The following TBX5 variants were observed in gnomAD, a reference collection of about 807,000 sequenced individuals.
TBX5 encodes T-box transcription factor TBX5.
Under a neutral mutation model 51.1 loss-of-function variants are expected in TBX5, and 8 were observed. That is an observed-to-expected ratio of 0.16 (90% confidence interval 0.09 to 0.28). TBX5 has a LOEUF of 0.28. Ranked by LOEUF, TBX5 falls within the 10% of genes least tolerant of loss-of-function variation. The probability of loss-of-function intolerance (pLI) is 1.00; values close to 1 mark genes in which losing one functional copy is unlikely to be tolerated. For synonymous variants in TBX5, 302 were observed against 266.4 expected (o/e 1.13, Z -1.30); for missense variants, 589 against 671.7 (o/e 0.88, Z 1.36).
chr12:114,405,640 A>G lies in TBX5; in HGVS notation c.-51T>C. ...CCGGGACGGTTACCTCGTTCGGTGA[A>G]GCCGGTGCATTCACCACATCCTCTG... On this transcript the variant is annotated 5_prime_UTR_variant, in exon 1 of 9. Coordinates refer to ENST00000405440, the MANE Select transcript of TBX5 (RefSeq NM_181486.4). 4 of 946,930 alleles carry G rather than the reference A, an allele frequency of 4.2e-6. No homozygotes were observed. Among genetic ancestry groups the G allele is most frequent in the Non-Finnish European group, 5.0e-6 (4 of 794,886 alleles). The allele number at this position is 946,930 out of a possible 1,614,324, so 58.7% of individuals were successfully genotyped here.
At chr12:114,360,415 A>G (rs1458573979) in intron 8 of TBX5, among the ~76,000 whole-genome samples, 1 of 139,608 alleles carries the variant, frequency 7.2e-6, no homozygotes, top group African/African-American at 2.7e-5. Flanking sequence ...TGAATGAATG[A>G]GTGGGAGGAT....
rs139329918 is a variant in TBX5 at position 114,394,804 on chromosome 12, C to T, written c.600G>A (p.Ala200=). Residue 200 remains alanine (A), a synonymous_variant, in exon 6 of 9, where the codon GCG becomes GCA. Transcript: ENST00000405440. ...TCTCAGGAAAGACGTGAGTGCAGAA[C>T]GCTGTATTTTTTGAGCCAAATCCAT... ...ENNGFGSKNT[A]FCTHVFPETA... is the part of the protein sequence containing the mutation. 9 of 1,613,996 alleles carry T rather than the reference C, an allele frequency of 5.6e-6. No homozygotes were observed. Among genetic ancestry groups the T allele is most frequent in the Middle Eastern group, 1.6e-4 (1 of 6,084 alleles).
upstream of TBX5, chr12:114,408,231 G>A (rs772427559): frequency 5.9e-5 from 58 of 984,938 alleles, no homozygotes; most frequent in Non-Finnish European, 6.5e-5. Context: ...GGACGTCTTG[G>A]CCCCGGGAAT....
At chr12:114,388,367 G>A (rs1870940519) in intron 6 of TBX5, among the ~76,000 whole-genome samples, 1 of 152,218 alleles carries the variant, frequency 6.6e-6, no homozygotes, top group East Asian at 1.9e-4. Flanking sequence ...ATGTTGGCCA[G>A]GCTGGTCTCA....
chr12:114,361,399 T>A (rs1207724417), intron 8 of TBX5, among the ~76,000 whole-genome samples: 1 of 152,198 alleles, frequency 6.6e-6, no homozygotes, highest in Non-Finnish European at 1.5e-5. Flanking sequence ...GCTAGAATCT[T>A]TATTTGGGTT....
chr12:114,392,240 C>T (rs1313704445), intron 6 of TBX5, among the ~76,000 whole-genome samples: 1 of 150,590 alleles, frequency 6.6e-6, no homozygotes, highest in Admixed American at 6.6e-5. Flanking sequence ...GGCATTCATG[C>T]ACATCAATCA....
At chr12:114,377,978 T>A (rs551849319) in intron 7 of TBX5, among the ~76,000 whole-genome samples, 1 of 152,002 alleles carries the variant, frequency 6.6e-6, no homozygotes, top group African/African-American at 2.4e-5. Flanking sequence ...CTCCAAACTT[T>A]CCCATCCACT....
intron 8 of TBX5, among the ~76,000 whole-genome samples, chr12:114,363,261 A>T (rs553578564): frequency 6.6e-6 from 1 of 152,304 alleles, no homozygotes; most frequent in South Asian, 2.1e-4. Flanking sequence ...GTATTACTAC[A>T]GTGGATCAGC....
At chr12:114,403,034 G>T (rs1400945746) in intron 2 of TBX5, among the ~76,000 whole-genome samples, 1 of 152,260 alleles carries the variant, frequency 6.6e-6, no homozygotes, top group African/African-American at 2.4e-5. Context: ...AAATTACCAG[G>T]ATCTACTGAG....
At position 114,372,293 on chromosome 12, in the gene TBX5, T is replaced by C. The variant is rs548232349; in HGVS notation, c.756-5902A>G. On this transcript the variant is annotated intron_variant, in intron 7 of 8. Coordinates refer to ENST00000405440, the MANE Select transcript of TBX5 (RefSeq NM_181486.4). ...AGGGCACAAAGAGGTTATAAAACTT[T>C]CCCATTGTCGGTTTTTTTCTTTTGT... Among the ~76,000 whole-genome samples, 441 of 152,268 alleles carry C rather than the reference T, an allele frequency of 2.9e-3. 2 individuals carry two copies. The highest frequency in any genetic ancestry group is 4.4e-3 in the Non-Finnish European group (300 of 68,016).
rs1871100148 is a variant in TBX5, at chr12:114,390,620, G to C, written c.663+4121C>G. On this transcript the variant is annotated intron_variant, in intron 6 of 8. Transcript: ENST00000405440. ...CTATTAAGGGTTCATTTCCTGGTCT[G>C]AACCAGAAAGCTCATACCTCATAAA... Among the ~76,000 whole-genome samples, 6 of 152,326 alleles carry C rather than the reference G, an allele frequency of 3.9e-5. 1 individual carries two copies. In the South Asian group the frequency reaches 1.2e-3, roughly 32 times the overall value.
upstream of TBX5, chr12:114,408,232 C>T: frequency 8.1e-6 from 8 of 984,440 alleles, no homozygotes; most frequent in Non-Finnish European, 9.6e-6. Flanking sequence ...GACGTCTTGG[C>T]CCCGGGAATA....
In TBX5 at chr12:114,403,785, G is replaced by T. The variant is rs34014008; in HGVS notation, c.114C>A (p.Ser38=). The T allele has an allele frequency of 1.2e-6, 2 of 1,613,848 alleles. No homozygotes were observed. The highest frequency in any genetic ancestry group is 1.7e-5 in the Admixed American group (1 of 60,004). Residue 38 remains serine, a synonymous_variant, in exon 2 of 9, where the codon TCC becomes TCA. Coordinates refer to ENST00000405440, the MANE Select transcript of TBX5 (RefSeq NM_181486.4). ...TGAAGGCGGCCTGCGGGGACGACGG[G>T]GACTTGCTGGGGGCCCCGAGCGCGC... ...PESALGAPSK[S]PSSPQAAFTQ... is the part of the protein sequence containing the mutation.
At chr12:114,363,842 A>G (rs1389524822) in intron 8 of TBX5, among the ~76,000 whole-genome samples, 1 of 152,234 alleles carries the variant, frequency 6.6e-6, no homozygotes, top group Admixed American at 6.5e-5. Flanking sequence ...TAAATATAAT[A>G]TAAAACAGAA....
chr12:114,376,495 G>T (rs924478955), intron 7 of TBX5, among the ~76,000 whole-genome samples: 1 of 152,050 alleles, frequency 6.6e-6, no homozygotes, highest in Non-Finnish European at 1.5e-5. Flanking sequence ...TGGGGAGAAG[G>T]GCAATGGGGA....
At chr12:114,367,368 C>T (rs1372439545) in intron 7 of TBX5, among the ~76,000 whole-genome samples, 1 of 152,158 alleles carries the variant, frequency 6.6e-6, no homozygotes, top group East Asian at 1.9e-4. Context: ...ACAACCCTCC[C>T]CTGAGCTTCA....
chr12:114,396,537 G>A (rs1295391500), intron 5 of TBX5, among the ~76,000 whole-genome samples: 13 of 152,166 alleles, frequency 8.5e-5, no homozygotes, highest in Non-Finnish European at 1.5e-5. Context: ...TCCTGAAGCT[G>A]GCAGGGATGC....
At chr12:114,362,903 A>G (rs1265808586) in intron 8 of TBX5, among the ~76,000 whole-genome samples, 2 of 152,136 alleles carry the variant, frequency 1.3e-5, no homozygotes, top group Non-Finnish European at 2.9e-5. Flanking sequence ...GACTCAAGCA[A>G]TCCTCCAGCC....
intron 8 of TBX5, among the ~76,000 whole-genome samples, chr12:114,365,263 C>T (rs903937211): frequency 6.6e-6 from 1 of 151,324 alleles, no homozygotes; most frequent in African/African-American, 2.4e-5. Flanking sequence ...ACACATATGC[C>T]AGAGAAGCAT....
Sources: gnomAD v4.1 joint callset for allele counts (sites outside exome capture counted in the v4.1 genomes callset) on GRCh38, gnomAD v4.1.1 for gene constraint, MANE v1.5 for transcripts, NCBI Gene and HGNC (gene_info 2026-07-23, HGNC 2026-07-21) for gene names.